ACOT9: variants seen among roughly 807,000 people sequenced by gnomAD.
ACOT9 encodes acyl-CoA thioesterase 9.
A neutral mutation model predicts 39.7 loss-of-function variants in ACOT9; 34 were observed. The ratio of observed to expected loss-of-function variants is 0.86; its 90% confidence interval spans 0.65 to 1.14. The LOEUF is 1.14. ACOT9 is among the 50% of genes most tolerant of loss of function. ACOT9 has a pLI of 0.00. For missense variants in ACOT9, 313 were observed against 344.1 expected (o/e 0.91, Z 0.71); for synonymous variants, 110 against 120.5 (o/e 0.91, Z 0.57).
At chrX:23,733,444 C>T (rs952979604) in intron 3 of ACOT9, among the ~76,000 whole-genome samples, 45 of 111,897 alleles carry the variant, frequency 4.0e-4, no homozygotes, top group African/African-American at 1.1e-3. Context: ...CAAATGAATA[C>T]CTTTGTGCCA....
rs1920999875 is a variant in ACOT9, at chrX:23,743,147, C to A, written c.-3G>T. On this transcript the variant is annotated 5_prime_UTR_variant, in exon 1 of 16. Coordinates refer to ENST00000379303, the MANE Select transcript of ACOT9 (RefSeq NM_001037171.2). ...TACCGCAGTGCTGCCCGCCTCATTG[C>A]GCTAGGCTGCCGTGCGCGCGATGGA... 8.6e-7 allele frequency: 1 copy of A among 1,158,811 alleles called. No individual in the cohort carries two copies. Among genetic ancestry groups the A allele is most frequent in the Non-Finnish European group, 1.2e-6 (1 of 868,096 alleles).
At chrX:23,718,484 C>CT (rs1408821911) in intron 8 of ACOT9, among the ~76,000 whole-genome samples, 1 of 112,484 alleles carries the variant, frequency 8.9e-6, no homozygotes, top group African/African-American at 3.2e-5. Context: ...TCCTGTATCT[C>CT]TTTTTCAACC....
At chrX:23,705,621 A>C in intron 12 of ACOT9, 27 bp from the exon 13 acceptor site, 1 of 1,181,038 alleles carries the variant, frequency 8.5e-7, no homozygotes, top group Non-Finnish European at 1.1e-6. Flanking sequence ...AATATCAATA[A>C]ATACAAAACT....
intron 8 of ACOT9, among the ~76,000 whole-genome samples, chrX:23,719,859 C>T (rs1003510816): frequency 1.9e-5 from 2 of 102,861 alleles, no homozygotes; most frequent in South Asian, 4.1e-4. Context: ...TTTTTTGAGA[C>T]GGAGTCTCGC....
intron 9 of ACOT9, among the ~76,000 whole-genome samples, chrX:23,711,270 C>T (rs935488193): frequency 3.6e-5 from 4 of 110,558 alleles, no homozygotes; most frequent in African/African-American, 1.3e-4. Flanking sequence ...TGCAGTGAGC[C>T]GAGATTGCGC....
chrX:23,719,926 T>A (rs1407057732), intron 8 of ACOT9, among the ~76,000 whole-genome samples: 1 of 108,288 alleles, frequency 9.2e-6, no homozygotes, highest in Non-Finnish European at 1.9e-5. Flanking sequence ...AAGCTCCGCC[T>A]CCTGGGTTCA....
intron 9 of ACOT9, among the ~76,000 whole-genome samples, chrX:23,709,601 C>A (rs1928824771): frequency 9.0e-6 from 1 of 111,234 alleles, no homozygotes; most frequent in Non-Finnish European, 1.9e-5. Context: ...ACATATTTTT[C>A]TATCTTAATT....
chrX:23,706,627 C>T lies in ACOT9; in HGVS notation c.842+1G>A. The T allele has an allele frequency of 1.0e-6, 1 of 961,397 alleles. No homozygotes were observed. Among genetic ancestry groups the T allele is most frequent in the Non-Finnish European group, 1.4e-6 (1 of 694,531 alleles). 79.2% of individuals were successfully genotyped at this position (961,397 alleles called of 1,213,427 possible). ...CCAACGTGGAATCTCACCATCCTTA[C>T]TTTGGATCCAGTGTGCTGAGAAACA... On this transcript the variant is annotated splice_donor_variant, in intron 11 of 15. Coordinates refer to ENST00000379303, the MANE Select transcript of ACOT9 (RefSeq NM_001037171.2). LOFTEE classifies it high-confidence loss of function.
intron 1 of ACOT9, among the ~76,000 whole-genome samples, chrX:23,738,877 T>C (rs1930034998): frequency 9.0e-6 from 1 of 111,729 alleles, no homozygotes; most frequent in African/African-American, 3.3e-5. Context: ...TACACAGAAA[T>C]TGTTTTGTTA....
intron 8 of ACOT9, among the ~76,000 whole-genome samples, chrX:23,715,205 T>C (rs1378726169): frequency 9.0e-6 from 1 of 111,607 alleles, no homozygotes; most frequent in East Asian, 2.8e-4. Context: ...CCACGATTGC[T>C]CCCCAGTTGT....
intron 8 of ACOT9, among the ~76,000 whole-genome samples, chrX:23,721,409 A>T (rs903577757): frequency 2.7e-5 from 3 of 110,874 alleles, no homozygotes; most frequent in African/African-American, 9.8e-5. Context: ...CTATTTTTTT[A>T]AAAAAATGGT....
At chrX:23,708,478 C>T (rs1020012984) in intron 9 of ACOT9, among the ~76,000 whole-genome samples, 3 of 106,501 alleles carry the variant, frequency 2.8e-5, no homozygotes, top group Admixed American at 1.0e-4. Context: ...TGCGGTGAGC[C>T]GAGATCGTGC....
chrX:23,703,315 C>CAATTAATTAATT lies in ACOT9; in HGVS notation c.*567_*578dup, dbSNP rs66555100. ...AAAAGAATGCATCCAATGGTATCCT[C>CAATTAATTAATT]AATTAATTAATTAATTAATTAATTT... On this transcript the variant is annotated 3_prime_UTR_variant, in exon 16 of 16. Transcript: ENST00000379303. The CAATTAATTAATT allele has an allele frequency of 6.5e-5, 7 of 108,514 alleles. No homozygotes were observed. Among genetic ancestry groups the CAATTAATTAATT allele is most frequent in the African/African-American group, 2.4e-4 (7 of 29,563 alleles). The allele number at this position is 108,514 out of a possible 1,213,427, so 8.9% of individuals were successfully genotyped here. A position where few individuals can be genotyped will look rare whatever the true frequency, so the allele number is the denominator to read the frequency against.
chrX:23,738,473 G>A (rs1293170081), intron 1 of ACOT9, among the ~76,000 whole-genome samples: 2 of 109,377 alleles, frequency 1.8e-5, no homozygotes, highest in African/African-American at 6.7e-5. Context: ...ACCAGGCATG[G>A]TGGCGCACAC....
intron 9 of ACOT9, among the ~76,000 whole-genome samples, chrX:23,708,693 T>C (rs1441185458): frequency 8.9e-6 from 1 of 111,839 alleles, no homozygotes; most frequent in Non-Finnish European, 1.9e-5. Flanking sequence ...ATCAGGAAGA[T>C]AGCTATAAAG....
At chrX:23,733,301 A>G in intron 3 of ACOT9, 84 bp from the exon 4 acceptor site, 1 of 826,234 alleles carries the variant, frequency 1.2e-6, no homozygotes, top group Non-Finnish European at 1.8e-6. Context: ...AACTACAAAA[A>G]GCAATTCATG....
intron 5 of ACOT9, 118 bp downstream of exon 5, chrX:23,730,698 T>C: frequency 1.0e-6 from 1 of 968,085 alleles, no homozygotes. Context: ...TCTAAATATA[T>C]CAAAACCATG....
intron 9 of ACOT9, 38 bp downstream of exon 9, chrX:23,713,097 T>C (rs1302320933): frequency 2.7e-6 from 3 of 1,098,163 alleles, no homozygotes; most frequent in Non-Finnish European, 3.8e-6. Flanking sequence ...ATCTTTGAAA[T>C]TCTTCAAAAT....
At chrX:23,707,745 ACAAAC>A in intron 10 of ACOT9, 127 bp downstream of exon 10, 6 of 444,104 alleles carry the variant, frequency 1.4e-5, no homozygotes, top group East Asian at 4.5e-5. Flanking sequence ...TTCAAAAAAA[ACAAAC>A]AAAAAAACAA....
Sources: allele counts gnomAD v4.1 joint callset (sites outside exome capture counted in the v4.1 genomes callset), GRCh38; gene constraint gnomAD v4.1.1; transcripts MANE v1.5; gene names NCBI Gene and HGNC (gene_info 2026-07-23, HGNC 2026-07-21).